RBPJ: variants seen among roughly 807,000 people sequenced by gnomAD.
RBPJ encodes the protein recombination signal binding protein for immunoglobulin kappa J region.
A neutral mutation model predicts 67.8 loss-of-function variants in RBPJ; 9 were observed. That is an observed-to-expected ratio of 0.13 (90% CI 0.08 to 0.23). The LOEUF is 0.23. RBPJ is among the 10% of genes least tolerant of loss of function. The pLI is 1.00. For synonymous variants in RBPJ, 198 were observed against 203.3 expected, an observed-to-expected ratio of 0.97 and a Z score of 0.22; for missense variants, 305 against 595.6, an observed-to-expected ratio of 0.51 and a Z score of 5.08.
the RBPJ span, among the ~76,000 whole-genome samples, chr4:26,143,594 T>C: frequency 1.3e-5 from 2 of 152,228 alleles, no homozygotes; most frequent in African/African-American, 4.8e-5. Flanking sequence ...GCCACTAAGT[T>C]TGAGGTGGTT....
intron 1 of RBPJ, among the ~76,000 whole-genome samples, chr4:26,312,399 G>C (rs1417591667): frequency 6.6e-6 from 1 of 152,174 alleles, no homozygotes; most frequent in Admixed American, 6.5e-5. Flanking sequence ...CCAAAGTGCT[G>C]GGATTACAGG....
chr4:26,316,384 T>C (rs1350328609), upstream of RBPJ, among the ~76,000 whole-genome samples: 7 of 146,396 alleles, frequency 4.8e-5, no homozygotes, highest in Admixed American at 6.9e-5. Flanking sequence ...TTCATATATA[T>C]ACATTCATAT....
chr4:26,249,779 C>G (rs1461055302), intron 1 of RBPJ, among the ~76,000 whole-genome samples: 1 of 143,166 alleles, frequency 7.0e-6, no homozygotes, highest in Non-Finnish European at 1.5e-5. Flanking sequence ...AGAACTTTCT[C>G]TTTTTTTTTT....
intron 2 of RBPJ, among the ~76,000 whole-genome samples, chr4:26,396,130 T>G (rs1380371413): frequency 6.6e-6 from 1 of 152,226 alleles, no homozygotes; most frequent in Non-Finnish European, 1.5e-5. Flanking sequence ...ATAAGACACC[T>G]ATGAGTAACA....
chr4:26,127,283 C>T, the RBPJ span, among the ~76,000 whole-genome samples: 19 of 152,326 alleles, frequency 1.2e-4, no homozygotes, highest in African/African-American at 4.1e-4. Flanking sequence ...TTTCAGCTTC[C>T]GTTGCTGCTG....
chr4:26,298,427 A>G lies in RBPJ; in HGVS notation c.-166-64019A>G, dbSNP rs141744965. Among the ~76,000 whole-genome samples the G allele has an allele frequency of 1.4e-4, 21 of 152,330 alleles. No homozygotes were observed. In the East Asian group the frequency reaches 4.0e-3, roughly 29 times the overall value. On this transcript the variant is annotated intron_variant, in intron 1 of 4. Transcript: ENST00000512351. ...TTGTAATATTTGGAACTAGCATAGC[A>G]CAAATAATCAGTGTGTTTTTTTGAA...
chr4:26,152,762 G>C, the RBPJ span, among the ~76,000 whole-genome samples: 1 of 152,248 alleles, frequency 6.6e-6, no homozygotes, highest in African/African-American at 2.4e-5. Flanking sequence ...TGAAGACAGA[G>C]AGCTTGAGAA....
At chr4:26,324,397 T>C (rs1341000416) in intron 1 of RBPJ, among the ~76,000 whole-genome samples, 2 of 100,648 alleles carry the variant, frequency 2.0e-5, no homozygotes, top group Non-Finnish European at 4.3e-5. Flanking sequence ...ATGTGTCGTG[T>C]GTGAGTGTGT....
chr4:26,334,948 T>G (rs1325379105), intron 1 of RBPJ, among the ~76,000 whole-genome samples: 1 of 152,228 alleles, frequency 6.6e-6, no homozygotes, highest in African/African-American at 2.4e-5. Context: ...GTGTCATTAG[T>G]GTGGATGTTT....
At chr4:26,224,202 C>T (rs1420537849) in intron 1 of RBPJ, among the ~76,000 whole-genome samples, 4 of 151,578 alleles carry the variant, frequency 2.6e-5, no homozygotes, top group African/African-American at 9.7e-5. Flanking sequence ...CTCCCATTTA[C>T]TCCCATTGTG....
chr4:26,124,961 C>T, the RBPJ span, among the ~76,000 whole-genome samples: 1 of 152,158 alleles, frequency 6.6e-6, no homozygotes, highest in Non-Finnish European at 1.5e-5. Context: ...GAGGCCCGGA[C>T]ACTTTCTATC....
intron 1 of RBPJ, among the ~76,000 whole-genome samples, chr4:26,306,124 T>C (rs1416116181): frequency 6.6e-6 from 1 of 152,094 alleles, no homozygotes; most frequent in Non-Finnish European, 1.5e-5. Context: ...CATGTCAATA[T>C]ACAAGATCAT....
chr4:26,122,440 T>C, the RBPJ span, among the ~76,000 whole-genome samples: 1 of 152,150 alleles, frequency 6.6e-6, no homozygotes, highest in Non-Finnish European at 1.5e-5. Context: ...AGAGCGACAA[T>C]TAGAATGTGG....
At chr4:26,276,205 G>A (rs768530638) in intron 1 of RBPJ, among the ~76,000 whole-genome samples, 97 of 150,460 alleles carry the variant, frequency 6.4e-4, no homozygotes, top group Non-Finnish European at 1.2e-3. Context: ...AACCCAGGAG[G>A]CGGAGGCTGC....
At chr4:26,255,403 CAAAAAAAAAA>C (rs766336628) in intron 1 of RBPJ, among the ~76,000 whole-genome samples, 7 of 34,550 alleles carry the variant, frequency 2.0e-4, no homozygotes, top group African/African-American at 4.5e-4. Context: ...GACTCCGTCT[CAAAAAAAAAA>C]AAAAAAAAAA....
At chr4:26,237,871 G>GTTTGTTTTGTTT (rs1226171750) in intron 1 of RBPJ, among the ~76,000 whole-genome samples, 2 of 138,226 alleles carry the variant, frequency 1.4e-5, no homozygotes, top group Non-Finnish European at 3.2e-5. Context: ...AGCTATTTGA[G>GTTTGTTTTGTTT]TTTGTTTTGT....
chr4:26,375,149 C>A (rs1729574693), intron 1 of RBPJ, among the ~76,000 whole-genome samples: 1 of 151,876 alleles, frequency 6.6e-6, no homozygotes, highest in Non-Finnish European at 1.5e-5. Flanking sequence ...CAAAAAAATA[C>A]AAAAATTAGG....
chr4:26,170,191 G>A (rs896559964), intron 1 of RBPJ, among the ~76,000 whole-genome samples: 27 of 152,198 alleles, frequency 1.8e-4, no homozygotes, highest in Middle Eastern at 3.4e-3. Flanking sequence ...ACTGTAGACC[G>A]GAGCTGTTCC....
upstream of RBPJ, among the ~76,000 whole-genome samples, chr4:26,162,131 C>G (rs759135146): frequency 6.6e-6 from 1 of 152,204 alleles, no homozygotes; most frequent in African/African-American, 2.4e-5. Flanking sequence ...GTGATGCATG[C>G]CCTGATTCAC....
Sources: gnomAD v4.1 joint callset for allele counts (sites outside exome capture counted in the v4.1 genomes callset) on GRCh38, gnomAD v4.1.1 for gene constraint, MANE v1.5 for transcripts, NCBI Gene and HGNC (gene_info 2026-07-23, HGNC 2026-07-21) for gene names.